Variants in MTUS2 observed in about 807,000 individuals in gnomAD.
MTUS2 encodes microtubule-associated tumor suppressor candidate 2.
Under a neutral mutation model 114.1 loss-of-function variants are expected in MTUS2, and 40 were observed. The ratio of observed to expected loss-of-function variants is 0.35; its 90% CI spans 0.27 to 0.46. MTUS2 has a LOEUF of 0.46. Among genes scored for constraint, MTUS2 ranks in the 20% least tolerant of loss-of-function variants. The pLI, the probability that MTUS2 is intolerant of heterozygous loss-of-function variation, is 1.00. For missense variants in MTUS2, 1,679 were observed against 1,705.4 expected, an observed-to-expected ratio of 0.98 and a Z score of 0.27; for synonymous variants, 688 against 672.0, an observed-to-expected ratio of 1.02 and a Z score of -0.37.
At chr13:28,842,691 A>G (rs1875592159) in intron 2 of MTUS2, among the ~76,000 whole-genome samples, 1 of 152,246 alleles carries the variant, frequency 6.6e-6, no homozygotes, top group Non-Finnish European at 1.5e-5. Flanking sequence ...TATACTCTGC[A>G]GCAAGAGAGA....
intron 9 of MTUS2, among the ~76,000 whole-genome samples, chr13:29,473,069 AT>A (rs1319166555): frequency 6.6e-6 from 1 of 152,196 alleles, no homozygotes; most frequent in African/African-American, 2.4e-5. Context: ...GATAGTGACT[AT>A]TATAGTGACC....
At chr13:28,899,611 CCT>C (rs959213677) in intron 2 of MTUS2, among the ~76,000 whole-genome samples, 2 of 152,038 alleles carry the variant, frequency 1.3e-5, no homozygotes, top group African/African-American at 4.8e-5. Flanking sequence ...GGGGTTTCAC[CCT>C]GTTAGCCAGG....
At chr13:29,479,295 T>C (rs533203746) in intron 9 of MTUS2, among the ~76,000 whole-genome samples, 34 of 152,312 alleles carry the variant, frequency 2.2e-4, no homozygotes, top group Middle Eastern at 3.4e-3. Flanking sequence ...GACCTAGATG[T>C]AGTCGATTGT....
At chr13:29,383,256 T>TGTG (rs1566168660) in intron 8 of MTUS2, among the ~76,000 whole-genome samples, 2 of 14,480 alleles carry the variant, frequency 1.4e-4, no homozygotes, top group Non-Finnish European at 6.2e-4. Flanking sequence ...GTGTGTGTAT[T>TGTG]TATTTTTCTC....
At chr13:28,976,203 CAAAAAAAAAAAAAAAAA>C (rs71090215) in intron 2 of MTUS2, among the ~76,000 whole-genome samples, 1 of 90,160 alleles carries the variant, frequency 1.1e-5, no homozygotes, top group Non-Finnish European at 2.2e-5. Context: ...GACCTTGTCT[CAAAAAAAAAAAAAAAAA>C]AAAAGAAAAG....
Position 29,123,702 on chromosome 13 carries a change from G to A in MTUS2, c.2644+22732G>A, listed in dbSNP as rs770852457. Among the ~76,000 whole-genome samples, 6 of 152,050 alleles carry A rather than the reference G, an allele frequency of 3.9e-5. 1 individual carries two copies. The highest frequency in any genetic ancestry group is 4.2e-4 in the South Asian group (2 of 4,818). On this transcript the variant is annotated intron_variant, in intron 5 of 15. Coordinates refer to ENST00000612955, the MANE Select transcript of MTUS2 (RefSeq NM_001033602.4). ...CAGTCTGGGCAACAGAGTGAGAGTC[G>A]TCTCAAAACAAACACACACACACAC...
chr13:28,870,510 A>C (rs1877556942), intron 2 of MTUS2, among the ~76,000 whole-genome samples: 2 of 152,100 alleles, frequency 1.3e-5, no homozygotes, highest in Non-Finnish European at 2.9e-5. Context: ...CCATCTCCTT[A>C]CATTGACTGC....
At position 29,033,961 on chromosome 13, in the gene MTUS2, G is replaced by C. The variant is rs376698099; in HGVS notation, c.2282G>C (p.Arg761Pro). ...TATGAAGTCCCTCCAACTTTCTATCGGTCAGCCATGCTCCTTAAGCCCCAG... is the reference window on the plus strand; with the variant it reads ...TATGAAGTCCCTCCAACTTTCTATCCGTCAGCCATGCTCCTTAAGCCCCAG... ...AHYEVPPTFY[R>P]SAMLLKPQLG... Residue 761 changes from arginine to proline, a missense_variant, in exon 4 of 16, where the codon CGG (arginine) becomes CCG (proline). By Grantham distance (103) the Arg-to-Pro change is moderately radical. Transcript: ENST00000612955. 2 of 1,613,808 alleles carry C rather than the reference G, an allele frequency of 1.2e-6. No individual in the cohort carries two copies. Among genetic ancestry groups the C allele is most frequent in the East Asian group, 2.2e-5 (1 of 44,874 alleles).
At chr13:29,131,632 G>A (rs973262720) in intron 5 of MTUS2, among the ~76,000 whole-genome samples, 1 of 152,266 alleles carries the variant, frequency 6.6e-6, no homozygotes, top group Non-Finnish European at 1.5e-5. Context: ...GTCCAAGCCT[G>A]CTGGGAGCTA....
At position 29,024,528 on chromosome 13, in the gene MTUS2, A is replaced by G; in HGVS notation, c.-171A>G. ...AGTCTTCCTGCTGTATATCAAGACAATGCTTGGTTTTCAAGCTGTTCTGAG... is the reference window on the plus strand; with the variant it reads ...AGTCTTCCTGCTGTATATCAAGACAGTGCTTGGTTTTCAAGCTGTTCTGAG... On this transcript the variant is annotated 5_prime_UTR_variant, in exon 3 of 16. An upstream start codon of the reference 5' UTR is lost. Coordinates refer to ENST00000612955, the MANE Select transcript of MTUS2 (RefSeq NM_001033602.4). The G allele has an allele frequency of 2.7e-6, 2 of 747,826 alleles. No individual in the cohort carries two copies. Among genetic ancestry groups the G allele is most frequent in the African/African-American group, 1.8e-5 (1 of 56,624 alleles). 46.3% of individuals were successfully genotyped at this position (747,826 alleles called of 1,614,324 possible).
intron 2 of MTUS2, among the ~76,000 whole-genome samples, chr13:29,002,259 C>G (rs756706337): frequency 2.6e-5 from 4 of 152,140 alleles, no homozygotes; most frequent in African/African-American, 7.2e-5. Context: ...GCAAAATGAC[C>G]GTGTTCTTTT....
At chr13:29,013,776 A>ACACG (rs1203861996) in intron 2 of MTUS2, among the ~76,000 whole-genome samples, 1 of 152,134 alleles carries the variant, frequency 6.6e-6, no homozygotes, top group East Asian at 1.9e-4. Context: ...CTATCCACAC[A>ACACG]CACACACATA....
intron 2 of MTUS2, among the ~76,000 whole-genome samples, chr13:28,858,350 C>T (rs1189669611): frequency 6.6e-6 from 1 of 152,076 alleles, no homozygotes; most frequent in Non-Finnish European, 1.5e-5. Flanking sequence ...TTTTCACTGA[C>T]CTGCTGGAGA....
In MTUS2 at chr13:29,188,706, T is replaced by C. The variant is rs192417382; in HGVS notation, c.2644+87736T>C. On this transcript the variant is annotated intron_variant, in intron 5 of 15. Transcript: ENST00000612955. ...GCTGGTGAGTAACACTGACATCACA[T>C]AGAAACATACACATATAAGCTTCCC... Among the ~76,000 whole-genome samples the C allele has an allele frequency of 9.9e-5, 15 of 152,252 alleles. No individual in the cohort carries two copies. The East Asian group carries it at 2.5e-3, about 25-fold the overall frequency.
intron 2 of MTUS2, among the ~76,000 whole-genome samples, chr13:29,004,220 G>T (rs1815687764): frequency 6.6e-6 from 1 of 151,430 alleles, no homozygotes; most frequent in Admixed American, 6.6e-5. Flanking sequence ...ATGCATGCAT[G>T]TACATGCATT....
chr13:29,336,435 C>T (rs1305987984), intron 7 of MTUS2, among the ~76,000 whole-genome samples: 1 of 152,208 alleles, frequency 6.6e-6, no homozygotes, highest in African/African-American at 2.4e-5. Context: ...TGGAGGTCCA[C>T]TCCAGACCCT....
intron 5 of MTUS2, among the ~76,000 whole-genome samples, chr13:29,274,989 C>G (rs1027087925): frequency 7.2e-5 from 11 of 152,148 alleles, no homozygotes; most frequent in African/African-American, 2.7e-4. Context: ...CTGCCTTGGC[C>G]TCCCAAAGTG....
chr13:29,472,789 G>A (rs999178892), intron 9 of MTUS2, among the ~76,000 whole-genome samples: 1 of 152,130 alleles, frequency 6.6e-6, no homozygotes, highest in Non-Finnish European at 1.5e-5. Flanking sequence ...TGTGTTACAC[G>A]AACATGAGAA....
At chr13:28,995,559 A>G (rs1002246539) in intron 2 of MTUS2, among the ~76,000 whole-genome samples, 4 of 151,948 alleles carry the variant, frequency 2.6e-5, no homozygotes, top group Non-Finnish European at 5.9e-5. Context: ...ATTTGTTTGT[A>G]TACTCTTTTA....
Sources: gnomAD v4.1 joint callset for allele counts (sites outside exome capture counted in the v4.1 genomes callset) on GRCh38, gnomAD v4.1.1 for gene constraint, MANE v1.5 for transcripts, NCBI Gene and HGNC (gene_info 2026-07-23, HGNC 2026-07-21) for gene names.